The following CFAP299 variants were observed in gnomAD, a reference collection of about 807,000 sequenced individuals.
The protein encoded by CFAP299 is cilia- and flagella-associated protein 299.
A neutral mutation model predicts 27.0 loss-of-function variants in CFAP299; 21 were observed. That is an observed-to-expected ratio of 0.78 (90% CI 0.55 to 1.12). The LOEUF (loss-of-function observed/expected upper bound fraction) is 1.12, where lower values mean the gene tolerates loss of function less well. CFAP299 is among the 50% of genes most tolerant of loss of function. CFAP299 has a pLI of 0.00. For missense variants in CFAP299, 310 were observed against 276.6 expected, an observed-to-expected ratio of 1.12 and a Z score of -0.86; for synonymous variants, 104 against 98.1, an observed-to-expected ratio of 1.06 and a Z score of -0.36.
At chr4:80,458,049 C>T (rs535410274) in intron 2 of CFAP299, among the ~76,000 whole-genome samples, 11 of 152,200 alleles carry the variant, frequency 7.2e-5, no homozygotes, top group Admixed American at 2.6e-4. Context: ...CATCCTTCAC[C>T]ATTTTTTTGA....
chr4:80,716,963 A>G (rs1015853776), intron 3 of CFAP299, among the ~76,000 whole-genome samples: 2 of 152,058 alleles, frequency 1.3e-5, no homozygotes, highest in Non-Finnish European at 2.9e-5. Context: ...AGTTCTAGAG[A>G]TGTCTCTGGC....
chr4:80,460,726 T>C (rs1405082727), intron 2 of CFAP299, among the ~76,000 whole-genome samples: 5 of 152,202 alleles, frequency 3.3e-5, no homozygotes, highest in South Asian at 2.1e-4. Context: ...GCCTTTTCTC[T>C]TTCATACTTG....
intron 3 of CFAP299, among the ~76,000 whole-genome samples, chr4:80,673,162 C>G (rs1741603985): frequency 1.3e-5 from 2 of 152,092 alleles, no homozygotes; most frequent in South Asian, 4.2e-4. Flanking sequence ...TATAAACTTC[C>G]CTCTACACAC....
At chr4:80,468,146 T>C (rs1729800138) in intron 2 of CFAP299, among the ~76,000 whole-genome samples, 2 of 152,118 alleles carry the variant, frequency 1.3e-5, no homozygotes. Flanking sequence ...TTTTAGCCCT[T>C]AAATGTAATC....
At chr4:80,871,238 C>A (rs1339304373) in intron 4 of CFAP299, 1 of 985,316 alleles carries the variant, frequency 1.0e-6, no homozygotes, top group Non-Finnish European at 1.2e-6. Context: ...TTAGCTCTTT[C>A]CTGTCCTACC....
chr4:80,340,174 G>T (rs573854186), intron 1 of CFAP299, among the ~76,000 whole-genome samples: 37 of 152,288 alleles, frequency 2.4e-4, no homozygotes, highest in African/African-American at 8.4e-4. Context: ...TCGACCCATG[G>T]ATAATGAAGA....
At chr4:80,447,141 T>TTTTTTTTTTTTTG (rs1728670394) in intron 2 of CFAP299, among the ~76,000 whole-genome samples, 3 of 126,484 alleles carry the variant, frequency 2.4e-5, no homozygotes, top group Admixed American at 8.2e-5. Flanking sequence ...TTTTTTTTTT[T>TTTTTTTTTTTTTG]TTTTTTTTTT....
intron 3 of CFAP299, among the ~76,000 whole-genome samples, chr4:80,633,578 A>G (rs897943152): frequency 6.6e-6 from 1 of 152,172 alleles, no homozygotes; most frequent in African/African-American, 2.4e-5. Context: ...CTTAAGAGAC[A>G]ATTTTCTAGA....
rs149392576 is a variant in CFAP299, at chr4:80,524,062, A to T, written c.243-59031A>T. 4.6e-3 allele frequency among the ~76,000 whole-genome samples: 698 copies of T among 152,198 alleles called. 5 individuals carry two copies. Among genetic ancestry groups the T allele is most frequent in the Non-Finnish European group, 8.0e-3 (544 of 68,010 alleles). On this transcript the variant is annotated intron_variant, in intron 2 of 5. Transcript: ENST00000358105. ...TTAGTAAATGAGATCATCAAAGGAG[A>T]GTATAGCTGGAAGGGGAAATACTTA...
intron 3 of CFAP299, among the ~76,000 whole-genome samples, chr4:80,742,038 C>T (rs1374493814): frequency 1.3e-5 from 2 of 152,160 alleles, no homozygotes; most frequent in African/African-American, 4.8e-5. Context: ...CACTGATTAT[C>T]TCTCTGCCCT....
At chr4:80,406,971 T>C (rs1397397276) in intron 2 of CFAP299, among the ~76,000 whole-genome samples, 1 of 152,158 alleles carries the variant, frequency 6.6e-6, no homozygotes, top group Non-Finnish European at 1.5e-5. Context: ...ATACCATTTC[T>C]ACATGGTTTT....
chr4:80,577,426 C>T (rs899657694), intron 2 of CFAP299, among the ~76,000 whole-genome samples: 11 of 78,086 alleles, frequency 1.4e-4, no homozygotes, highest in Non-Finnish European at 2.0e-4. Flanking sequence ...TTTTTTGAGA[C>T]GGAGTCTCGC....
intron 3 of CFAP299, among the ~76,000 whole-genome samples, chr4:80,824,161 T>C (rs1178167555): frequency 6.6e-6 from 1 of 152,190 alleles, no homozygotes; most frequent in East Asian, 1.9e-4. Context: ...ACAATCACAT[T>C]GGCAGATTGG....
chr4:80,921,647 G>T, intron 4 of CFAP299, among the ~76,000 whole-genome samples: 1 of 152,038 alleles, frequency 6.6e-6, no homozygotes, highest in East Asian at 1.9e-4. Flanking sequence ...ATAGGTGATT[G>T]TGACTCATTC....
intron 3 of CFAP299, among the ~76,000 whole-genome samples, chr4:80,800,356 GATATATTAATATAATATATATAATATATA>G (rs1193860470): frequency 5.9e-5 from 3 of 51,100 alleles, no homozygotes; most frequent in East Asian, 1.3e-3. Context: ...TAATATATAT[GATATATTAATATAATATATATAATATATA>G]ATATATTAAT....
chr4:80,852,810 C>T (rs1230831288), intron 3 of CFAP299, among the ~76,000 whole-genome samples: 1 of 152,122 alleles, frequency 6.6e-6, no homozygotes, highest in Non-Finnish European at 1.5e-5. Context: ...TATTCAGCAA[C>T]ATGAAACCCA....
chr4:80,458,595 G>C (rs571975319), intron 2 of CFAP299, among the ~76,000 whole-genome samples: 2 of 152,164 alleles, frequency 1.3e-5, no homozygotes, highest in South Asian at 2.1e-4. Flanking sequence ...TTTAAATATA[G>C]CCAATTTATT....
intron 4 of CFAP299, among the ~76,000 whole-genome samples, chr4:80,891,816 G>A (rs1578217153): frequency 1.5e-5 from 1 of 67,340 alleles, no homozygotes; most frequent in African/African-American, 6.0e-5. Context: ...GCTTTGAGAA[G>A]CCCTAGATTA....
intron 2 of CFAP299, among the ~76,000 whole-genome samples, chr4:80,563,318 A>C (rs994821286): frequency 6.6e-6 from 1 of 152,180 alleles, no homozygotes; most frequent in Non-Finnish European, 1.5e-5. Context: ...GTCTTAAAAC[A>C]TTCAAAAAAT....
Sources: gnomAD v4.1 joint callset for allele counts (sites outside exome capture counted in the v4.1 genomes callset) on GRCh38, gnomAD v4.1.1 for gene constraint, MANE v1.5 for transcripts, NCBI Gene and HGNC (gene_info 2026-07-23, HGNC 2026-07-21) for gene names.